CDKL4: variants seen among roughly 807,000 people sequenced by gnomAD.
CDKL4 encodes the protein cyclin dependent kinase like 4, also known as cyclin-dependent kinase-like 4.
In CDKL4, 44 loss-of-function variants were observed where a neutral mutation model predicts 42.0. The ratio of observed to expected loss-of-function variants is 1.05; its 90% CI spans 0.82 to 1.35. CDKL4 has a LOEUF of 1.35. Ranked by LOEUF, CDKL4 falls within the 40% of genes most tolerant of loss-of-function variation. The pLI is 0.00. For missense variants in CDKL4, 393 were observed against 369.9 expected (o/e 1.06, Z -0.51); for synonymous variants, 120 against 121.6 (o/e 0.99, Z 0.09).
intron 3 of CDKL4, 119 bp from the exon 4 acceptor site, chr2:39,213,591 G>T: frequency 1.9e-6 from 1 of 516,482 alleles, no homozygotes; most frequent in Non-Finnish European, 3.5e-6. Flanking sequence ...CATGCGGAAG[G>T]GTCCTAAAAA....
At chr2:39,214,175 G>A (rs1262794926) in intron 3 of CDKL4, among the ~76,000 whole-genome samples, 6 of 152,154 alleles carry the variant, frequency 3.9e-5, no homozygotes, top group East Asian at 3.9e-4. Context: ...CACCTGCCTC[G>A]CCCTCCTAAA....
chr2:39,171,703 A>G (rs949198475), downstream of CDKL4, among the ~76,000 whole-genome samples: 3 of 152,212 alleles, frequency 2.0e-5, no homozygotes, highest in African/African-American at 4.8e-5. Context: ...ACACTAAAAA[A>G]CAAACAAACA....
At chr2:39,212,786 G>A (rs11896652) in intron 4 of CDKL4, among the ~76,000 whole-genome samples, 4,515 of 152,018 alleles carry the variant, frequency 0.03, 221 homozygotes, top group African/African-American at 0.1. Flanking sequence ...CAGCCTCCCA[G>A]GTAGCTAGGA....
chr2:39,216,262 G>A (rs1289171742), intron 3 of CDKL4, among the ~76,000 whole-genome samples: 2 of 152,084 alleles, frequency 1.3e-5, no homozygotes, highest in Non-Finnish European at 1.5e-5. Flanking sequence ...AAGGCCAGTC[G>A]ATGGGATTGA....
At chr2:39,236,167 A>C (rs555565497) in intron 1 of CDKL4, among the ~76,000 whole-genome samples, 1 of 151,554 alleles carries the variant, frequency 6.6e-6, no homozygotes, top group East Asian at 1.9e-4. Context: ...AAAAAAAAAA[A>C]AAAACCAGAA....
At chr2:39,223,867 G>A (rs536605370) in intron 3 of CDKL4, among the ~76,000 whole-genome samples, 8 of 151,952 alleles carry the variant, frequency 5.3e-5, no homozygotes, top group Non-Finnish European at 1.2e-4. Flanking sequence ...CAAAGGGCTG[G>A]GATTACAGGC....
In CDKL4 at chr2:39,185,306, A is replaced by ATG. The variant is rs1255418240; in HGVS notation, c.736-661_736-660dup. Among the ~76,000 whole-genome samples, 2 of 30,982 alleles carry ATG rather than the reference A, an allele frequency of 6.5e-5. 1 individual carries two copies. Among genetic ancestry groups the ATG allele is most frequent in the Non-Finnish European group, 1.8e-4 (2 of 11,060 alleles). The allele number at this position is 30,982 out of a possible 152,430, so 20.3% of individuals were successfully genotyped here. ...TGTATATATACATATATATACACAT[A>ATG]TGTATATATACATATATATACACAT... On this transcript the variant is annotated intron_variant, in intron 7 of 9. Coordinates refer to ENST00000451199, the Ensembl canonical transcript of CDKL4.
chr2:39,219,594 G>A (rs1234264608), intron 3 of CDKL4, among the ~76,000 whole-genome samples: 2 of 151,858 alleles, frequency 1.3e-5, no homozygotes, highest in Non-Finnish European at 2.9e-5. Context: ...CTAATTTTTT[G>A]TATTTTAGTA....
chr2:39,194,494 C>T (rs1438810610), intron 5 of CDKL4, among the ~76,000 whole-genome samples: 1 of 152,038 alleles, frequency 6.6e-6, no homozygotes, highest in African/African-American at 2.4e-5. Flanking sequence ...CACACACAAA[C>T]AAACAGAAAA....
intron 5 of CDKL4, among the ~76,000 whole-genome samples, chr2:39,203,582 G>T (rs1416601011): frequency 6.6e-6 from 1 of 152,052 alleles, no homozygotes; most frequent in African/African-American, 2.4e-5. Flanking sequence ...GTATAGTTGA[G>T]ATCATACTGA....
chr2:39,205,449 G>A (rs1450918352), intron 4 of CDKL4, among the ~76,000 whole-genome samples: 1 of 152,036 alleles, frequency 6.6e-6, no homozygotes, highest in Admixed American at 6.5e-5. Context: ...ATCCAAATCA[G>A]GAGACTTCCA....
chr2:39,219,989 G>C (rs1678204782), intron 3 of CDKL4, among the ~76,000 whole-genome samples: 1 of 152,138 alleles, frequency 6.6e-6, no homozygotes, highest in African/African-American at 2.4e-5. Flanking sequence ...TCTTGTTTCT[G>C]TAGGACCCAC....
chr2:39,199,487 A>G (rs915243346), intron 5 of CDKL4, among the ~76,000 whole-genome samples: 8 of 152,194 alleles, frequency 5.3e-5, no homozygotes, highest in African/African-American at 1.9e-4. Context: ...AAATCACTCT[A>G]TGAAGACAGT....
chr2:39,208,442 G>A (rs951352841), intron 4 of CDKL4, among the ~76,000 whole-genome samples: 2 of 149,648 alleles, frequency 1.3e-5, no homozygotes, highest in African/African-American at 4.9e-5. Context: ...CTGGGTTCAA[G>A]TGACTCTCCT....
intron 1 of CDKL4, among the ~76,000 whole-genome samples, chr2:39,233,912 C>CATTT (rs1679220828): frequency 1.1e-5 from 1 of 90,616 alleles, no homozygotes; most frequent in Admixed American, 1.2e-4. Context: ...TTTATTTTTA[C>CATTT]TTTTTTTTTT....
rs190029328 is a variant in CDKL4 at position 39,184,538 on chromosome 2, C to A, written c.792+53G>T. ...TGTCCACCCCTCCTCAAATTACCAG[C>A]TTCAGTCATTACAATTTATAGCTAA... On this transcript the variant is annotated intron_variant, in intron 8 of 9. Coordinates refer to ENST00000451199, the Ensembl canonical transcript of CDKL4. 740 of 1,309,742 alleles carry A rather than the reference C, an allele frequency of 5.6e-4. 7 individuals carry two copies. The East Asian group carries it at 0.013, about 23-fold the overall frequency. The allele number at this position is 1,309,742 out of a possible 1,614,324, so 81.1% of individuals were successfully genotyped here.
intron 4 of CDKL4, among the ~76,000 whole-genome samples, chr2:39,211,536 C>T (rs1186347659): frequency 6.6e-6 from 1 of 151,998 alleles, no homozygotes; most frequent in East Asian, 1.9e-4. Flanking sequence ...TAATGGTGCT[C>T]CAGCCACCTC....
intron 5 of CDKL4, among the ~76,000 whole-genome samples, chr2:39,190,796 G>A (rs1005826571): frequency 1.9e-4 from 29 of 152,170 alleles, no homozygotes; most frequent in Non-Finnish European, 1.8e-4. Flanking sequence ...AGTCTAAACC[G>A]CATTGTTGGT....
chr2:39,186,776 A>T (rs1015075481), intron 7 of CDKL4, among the ~76,000 whole-genome samples: 1 of 152,136 alleles, frequency 6.6e-6, no homozygotes, highest in African/African-American at 2.4e-5. Flanking sequence ...GAAGACTACT[A>T]TAAGTAGTCT....
Sources: gnomAD v4.1 joint callset for allele counts (sites outside exome capture counted in the v4.1 genomes callset) on GRCh38, gnomAD v4.1.1 for gene constraint, MANE v1.5 for transcripts, NCBI Gene and HGNC (gene_info 2026-07-23, HGNC 2026-07-21) for gene names.